Variants in FHIP1A observed in about 807,000 individuals in gnomAD.
FHIP1A encodes the protein FHF complex subunit HOOK interacting protein 1A, also known as FHF complex subunit HOOK-interacting protein 1A.
FHIP1A carries 61 observed loss-of-function variants against 88.6 expected under a neutral mutation model. The ratio of observed to expected loss-of-function variants is 0.69; its 90% CI spans 0.56 to 0.85. The LOEUF (loss-of-function observed/expected upper bound fraction) is 0.85. Ranked by LOEUF, FHIP1A falls within the 40% of genes least tolerant of loss-of-function variation. The probability of loss-of-function intolerance (pLI) is 0.00; values close to 1 mark genes in which losing one functional copy is unlikely to be tolerated. For synonymous variants in FHIP1A, 478 were observed against 496.0 expected (o/e 0.96, Z 0.48); for missense variants, 1,154 against 1,273.5 (o/e 0.91, Z 1.43).
intron 3 of FHIP1A, among the ~76,000 whole-genome samples, chr4:151,544,359 T>C (rs1732406947): frequency 1.3e-5 from 2 of 152,232 alleles, no homozygotes; most frequent in Admixed American, 6.5e-5. Context: ...CAGTGAGACA[T>C]AGCTGCCCAA....
chr4:151,609,528 C>A (rs1158975050), intron 7 of FHIP1A, among the ~76,000 whole-genome samples: 1 of 152,036 alleles, frequency 6.6e-6, no homozygotes, highest in African/African-American at 2.4e-5. Context: ...TGGTGGAAAG[C>A]CTCTGAGAAT....
At chr4:151,488,157 C>A (rs1730151838) in intron 3 of FHIP1A, among the ~76,000 whole-genome samples, 1 of 152,186 alleles carries the variant, frequency 6.6e-6, no homozygotes, top group African/African-American at 2.4e-5. Flanking sequence ...CAGTGTAGCT[C>A]CTCCACAATC....
At chr4:151,627,914 A>G (rs1736011702) in intron 7 of FHIP1A, among the ~76,000 whole-genome samples, 1 of 152,218 alleles carries the variant, frequency 6.6e-6, no homozygotes, top group Non-Finnish European at 1.5e-5. Flanking sequence ...GAGGTAATAA[A>G]GAAAAGACAC....
chr4:151,468,329 A>T (rs1729399744), intron 2 of FHIP1A, among the ~76,000 whole-genome samples: 1 of 151,026 alleles, frequency 6.6e-6, no homozygotes, highest in South Asian at 2.1e-4. Flanking sequence ...TTGTGACTAG[A>T]TCTCCTGAAT....
intron 3 of FHIP1A, among the ~76,000 whole-genome samples, chr4:151,563,196 T>A (rs972939662): frequency 6.6e-6 from 1 of 152,150 alleles, no homozygotes; most frequent in Non-Finnish European, 1.5e-5. Flanking sequence ...TGCTGAAATA[T>A]CAAGCTATTG....
At chr4:151,529,980 A>C (rs180875750) in intron 3 of FHIP1A, among the ~76,000 whole-genome samples, 1 of 152,236 alleles carries the variant, frequency 6.6e-6, no homozygotes, top group African/African-American at 2.4e-5. Context: ...AAAATTTCAG[A>C]ACTGTTTTCC....
At chr4:151,621,501 A>T (rs1322990674) in intron 7 of FHIP1A, among the ~76,000 whole-genome samples, 1 of 142,116 alleles carries the variant, frequency 7.0e-6, no homozygotes, top group Non-Finnish European at 1.5e-5. Context: ...CTTAAATTCC[A>T]CTGCCGAATG....
At chr4:151,578,409 T>C (rs1268509780) in intron 5 of FHIP1A, among the ~76,000 whole-genome samples, 1 of 152,200 alleles carries the variant, frequency 6.6e-6, no homozygotes, top group Non-Finnish European at 1.5e-5. Context: ...TTCTTAGCTT[T>C]TCAGGTTGAT....
At chr4:151,555,132 T>C (rs995002740) in intron 3 of FHIP1A, among the ~76,000 whole-genome samples, 2 of 152,110 alleles carry the variant, frequency 1.3e-5, no homozygotes, top group African/African-American at 4.8e-5. Flanking sequence ...CCCAGAGGCG[T>C]TGGCTCTTTG....
At chr4:151,514,261 C>T (rs1330698318) in intron 3 of FHIP1A, among the ~76,000 whole-genome samples, 1 of 152,056 alleles carries the variant, frequency 6.6e-6, no homozygotes. Context: ...CCAATGAGAA[C>T]AAAGACACAG....
intron 1 of FHIP1A, among the ~76,000 whole-genome samples, chr4:151,449,710 G>A (rs537744454): frequency 6.6e-6 from 1 of 152,128 alleles, no homozygotes; most frequent in East Asian, 1.9e-4. Flanking sequence ...CCAAGGAGGT[G>A]GCATCTTAAT....
intron 4 of FHIP1A, among the ~76,000 whole-genome samples, chr4:151,569,994 C>G (rs990283971): frequency 1.3e-5 from 2 of 152,300 alleles, no homozygotes; most frequent in Admixed American, 6.5e-5. Flanking sequence ...CCCCTGACTT[C>G]CTGTCACCTT....
intron 2 of FHIP1A, among the ~76,000 whole-genome samples, chr4:151,466,900 C>A (rs1001550933): frequency 6.6e-6 from 1 of 152,134 alleles, no homozygotes; most frequent in Non-Finnish European, 1.5e-5. Context: ...CTAGGCAATA[C>A]CATTCAGGAC....
intron 7 of FHIP1A, among the ~76,000 whole-genome samples, chr4:151,601,589 T>G (rs961446807): frequency 6.7e-6 from 1 of 149,230 alleles, no homozygotes; most frequent in African/African-American, 2.5e-5. Flanking sequence ...GTAGAAATGC[T>G]AACAACATAC....
At chr4:151,629,635 A>G in intron 7 of FHIP1A, 67 bp from the exon 8 acceptor site, 5 of 1,438,644 alleles carry the variant, frequency 3.5e-6, no homozygotes, top group Non-Finnish European at 3.8e-6. Context: ...GCTGGGGGCC[A>G]CGGGAGAGGC....
intron 4 of FHIP1A, among the ~76,000 whole-genome samples, chr4:151,573,460 A>AT (rs1283777328): frequency 7.2e-5 from 11 of 152,122 alleles, no homozygotes; most frequent in Admixed American, 6.6e-5. Flanking sequence ...TTTAAATGGT[A>AT]TTTTCAGCCT....
At chr4:151,608,034 C>CTT (rs1735144757) in intron 7 of FHIP1A, among the ~76,000 whole-genome samples, 34 of 97,020 alleles carry the variant, frequency 3.5e-4, no homozygotes, top group Non-Finnish European at 6.9e-4. Context: ...TTTCTTTCTT[C>CTT]TTCTTTTTTT....
At chr4:151,413,777 A>G (rs933087345) in intron 1 of FHIP1A, among the ~76,000 whole-genome samples, 1 of 151,966 alleles carries the variant, frequency 6.6e-6, no homozygotes, top group African/African-American at 2.4e-5. Flanking sequence ...CTTAAAAAAA[A>G]AAGCCCTTTG....
rs139554150 is a variant in FHIP1A at position 151,667,391 on chromosome 4, C to G, written c.*4637C>G. On this transcript the variant is annotated 3_prime_UTR_variant, in exon 14 of 14. Transcript: ENST00000435205. ...GTAAGAGAATGCAGTTGACTCTTTCCCCCCCTTCTTTTTGAATGAACCTCG... is the reference window on the plus strand; with the variant it reads ...GTAAGAGAATGCAGTTGACTCTTTCGCCCCCTTCTTTTTGAATGAACCTCG... The G allele has an allele frequency of 6.6e-6, 1 of 152,150 alleles. No individual in the cohort carries two copies. Among genetic ancestry groups the G allele is most frequent in the South Asian group, 2.1e-4 (1 of 4,826 alleles). The allele number at this position is 152,150 out of a possible 1,614,324, so 9.4% of individuals were successfully genotyped here.
Sources: gnomAD v4.1 joint callset for allele counts (sites outside exome capture counted in the v4.1 genomes callset) on GRCh38, gnomAD v4.1.1 for gene constraint, MANE v1.5 for transcripts, NCBI Gene and HGNC (gene_info 2026-07-23, HGNC 2026-07-21) for gene names.